The following TMEM108 variants were observed in gnomAD, a reference collection of about 807,000 sequenced individuals.
The protein encoded by TMEM108 is cancer/testis antigen 124.
Under a neutral mutation model 35.1 loss-of-function variants are expected in TMEM108, and 12 were observed. The observed-to-expected ratio is 0.34, with a 90% CI of 0.22 to 0.55. The LOEUF is 0.55. TMEM108 is among the 20% of genes least tolerant of loss of function. The pLI is 0.89. For synonymous variants in TMEM108, 287 were observed against 308.6 expected (o/e 0.93, Z 0.73); for missense variants, 680 against 753.3 (o/e 0.90, Z 1.14).
At chr3:133,282,986 A>C (rs1393447850) in intron 3 of TMEM108, among the ~76,000 whole-genome samples, 1 of 152,218 alleles carries the variant, frequency 6.6e-6, no homozygotes, top group Non-Finnish European at 1.5e-5. Flanking sequence ...CTTAGTGTAG[A>C]CACGTATGTG....
chr3:133,346,315 GTTTTGT>G lies in TMEM108; in HGVS notation c.41-33415_41-33410del, dbSNP rs900471022. ...ACCAGCATTTGGTATTATCAGTTTT[GTTTTGT>G]TTTTGTTTTTGTTTTTGTTTTGGAT... On this transcript the variant is annotated intron_variant, in intron 3 of 5. Coordinates refer to ENST00000321871, the MANE Select transcript of TMEM108 (RefSeq NM_023943.4). This position sits in a 1 kb window ranked among gnomAD's most constrained non-coding sequence, Gnocchi z 4.0. 5.9e-5 allele frequency among the ~76,000 whole-genome samples: 9 copies of G among 151,878 alleles called. No homozygotes were observed. Among genetic ancestry groups the G allele is most frequent in the South Asian group, 2.1e-4 (1 of 4,822 alleles).
chr3:133,260,522 T>C (rs1946609241), intron 3 of TMEM108, among the ~76,000 whole-genome samples: 1 of 152,040 alleles, frequency 6.6e-6, no homozygotes, highest in Non-Finnish European at 1.5e-5. Flanking sequence ...CCTGAGATTG[T>C]TGAGGAATAG....
intron 3 of TMEM108, among the ~76,000 whole-genome samples, chr3:133,344,130 A>T (rs1005762247): frequency 2.0e-5 from 3 of 151,868 alleles, no homozygotes; most frequent in African/African-American, 7.2e-5. Context: ...ATTAAAAATT[A>T]TTCTATACTG....
chr3:133,150,718 A>G (rs886415541), intron 2 of TMEM108, among the ~76,000 whole-genome samples: 6 of 152,182 alleles, frequency 3.9e-5, no homozygotes, highest in Admixed American at 2.0e-4. Flanking sequence ...TAAAATATCT[A>G]TAGAAGTTTC....
At position 133,361,218 on chromosome 3, in the gene TMEM108, A is replaced by G. The variant is rs575664659; in HGVS notation, c.41-18534A>G. On this transcript the variant is annotated intron_variant, in intron 3 of 5. Transcript: ENST00000321871. The stretch of plus-strand genomic sequence containing the variant: ...AGGCATTGCGACAGACCCACTAGGG[A>G]TTGTAGCACATGCATTAGAGTGTGG... Among the ~76,000 whole-genome samples, 152 of 152,328 alleles carry G rather than the reference A, an allele frequency of 1.0e-3. 4 individuals are homozygous for G. In the South Asian group the frequency reaches 0.024, roughly 24 times the overall value.
At chr3:133,241,514 T>A (rs192902150) in intron 3 of TMEM108, among the ~76,000 whole-genome samples, 3 of 152,246 alleles carry the variant, frequency 2.0e-5, no homozygotes, top group Admixed American at 2.0e-4. Flanking sequence ...ATCACTCAGC[T>A]ATGAGCTGTG....
At chr3:133,118,940 A>G (rs1944318928) in intron 2 of TMEM108, 1 of 152,200 alleles carries the variant, frequency 6.6e-6, no homozygotes, top group South Asian at 2.1e-4. Context: ...TGATCACATC[A>G]TTAACCTCTC....
intron 2 of TMEM108, among the ~76,000 whole-genome samples, chr3:133,222,396 C>T (rs987611731): frequency 6.6e-6 from 1 of 152,008 alleles, no homozygotes; most frequent in South Asian, 2.1e-4. Context: ...TTATTGGAAG[C>T]CTTTGACCTT....
At chr3:133,041,378 C>T (rs1224857211) in intron 1 of TMEM108, among the ~76,000 whole-genome samples, 2 of 152,160 alleles carry the variant, frequency 1.3e-5, no homozygotes, top group Non-Finnish European at 2.9e-5. Flanking sequence ...CCCCCCAGGG[C>T]TCCCAGAAAA....
intron 2 of TMEM108, among the ~76,000 whole-genome samples, chr3:133,211,187 C>A (rs1945829702): frequency 6.6e-6 from 1 of 152,012 alleles, no homozygotes; most frequent in Non-Finnish European, 1.5e-5. Flanking sequence ...CAAAGCATGC[C>A]TCTTGGGTTT....
At chr3:133,359,410 G>C (rs576973895) in intron 3 of TMEM108, among the ~76,000 whole-genome samples, 13 of 152,264 alleles carry the variant, frequency 8.5e-5, no homozygotes, top group Middle Eastern at 3.4e-3. Context: ...TAGAGCTCCT[G>C]AGAACACACT....
At chr3:133,120,301 A>G (rs1019116551) in intron 2 of TMEM108, among the ~76,000 whole-genome samples, 1 of 152,196 alleles carries the variant, frequency 6.6e-6, no homozygotes, top group African/African-American at 2.4e-5. Flanking sequence ...AGTGTGTTCA[A>G]CCCATCTATT....
chr3:133,057,479 A>ATATATCTATATATATATATC lies in TMEM108; in HGVS notation c.-47+11464_-47+11465insCTATATATATATATCTATAT, dbSNP rs1481436353. Reference sequence around the variant, plus strand: ...TATATATATATATATATATATATATATATATATGTGGGTTTTCATGGAATT... The same window carrying ATATATCTATATATATATATC: ...TATATATATATATATATATATATATATATATCTATATATATATATCTATATATGTGGGTTTTCATGGAATT... On this transcript the variant is annotated intron_variant, in intron 2 of 5. Coordinates refer to ENST00000321871, the MANE Select transcript of TMEM108 (RefSeq NM_023943.4). 1.6e-3 allele frequency among the ~76,000 whole-genome samples: 119 copies of ATATATCTATATATATATATC among 73,120 alleles called. 1 individual carries two copies. Among genetic ancestry groups the ATATATCTATATATATATATC allele is most frequent in the African/African-American group, 5.7e-3 (114 of 19,880 alleles). 48.0% of individuals were successfully genotyped at this position (73,120 alleles called of 152,430 possible).
chr3:133,315,027 C>G (rs947370083), intron 3 of TMEM108, among the ~76,000 whole-genome samples: 1 of 152,094 alleles, frequency 6.6e-6, no homozygotes, highest in African/African-American at 2.4e-5. Flanking sequence ...TGTTTTGTCT[C>G]GGTTTTCCTG....
Position 133,334,463 on chromosome 3 carries a change from A to G in TMEM108, c.41-45289A>G, listed in dbSNP as rs191154138. Among the ~76,000 whole-genome samples, 342 of 152,310 alleles carry G rather than the reference A, an allele frequency of 2.2e-3. 5 individuals are homozygous for G. In the South Asian group the frequency reaches 0.029, roughly 13 times the overall value. On this transcript the variant is annotated intron_variant, in intron 3 of 5. Coordinates refer to ENST00000321871, the MANE Select transcript of TMEM108 (RefSeq NM_023943.4). ...AATTGAGTAGATGGAAAATGTCATTATGGGTGTATGAAAGTAGCCAGAGCA... is the reference window on the plus strand; with the variant it reads ...AATTGAGTAGATGGAAAATGTCATTGTGGGTGTATGAAAGTAGCCAGAGCA...
chr3:133,178,905 A>G (rs887566462), intron 2 of TMEM108, among the ~76,000 whole-genome samples: 9 of 152,102 alleles, frequency 5.9e-5, no homozygotes, highest in African/African-American at 2.2e-4. Context: ...TTTGCAATCT[A>G]CTCATCTGAC....
intron 1 of TMEM108, among the ~76,000 whole-genome samples, chr3:133,043,404 T>TA (rs1576288579): frequency 6.6e-6 from 1 of 152,286 alleles, no homozygotes; most frequent in East Asian, 1.9e-4. Context: ...GGGGTAAACT[T>TA]ATTGAAGTTT....
intron 3 of TMEM108, among the ~76,000 whole-genome samples, chr3:133,362,830 G>A (rs1049831232): frequency 3.9e-5 from 6 of 152,150 alleles, no homozygotes; most frequent in Non-Finnish European, 8.8e-5. Context: ...GCACAATACA[G>A]GAAATAATAA....
intron 3 of TMEM108, among the ~76,000 whole-genome samples, chr3:133,323,813 G>A (rs539525086): frequency 6.6e-6 from 1 of 152,200 alleles, no homozygotes; most frequent in African/African-American, 2.4e-5. Context: ...GCATGGTACT[G>A]GTATAAAAAT....
Sources: allele counts gnomAD v4.1 joint callset (sites outside exome capture counted in the v4.1 genomes callset), GRCh38; gene constraint gnomAD v4.1.1; non-coding constraint Gnocchi (gnomAD v3.1); transcripts MANE v1.5; gene names NCBI Gene and HGNC (gene_info 2026-07-23, HGNC 2026-07-21).